The following ZNF483 variants were observed in gnomAD, a reference collection of about 807,000 sequenced individuals.
The protein encoded by ZNF483 is zinc finger protein HIT-10.
A neutral mutation model predicts 28.6 loss-of-function variants in ZNF483; 9 were observed. The observed-to-expected ratio is 0.32, with a 90% CI of 0.19 to 0.55. The LOEUF (loss-of-function observed/expected upper bound fraction) is 0.55. Among genes scored for constraint, ZNF483 ranks in the 20% least tolerant of loss-of-function variants. The pLI, the probability that ZNF483 is intolerant of heterozygous loss-of-function variation, is 0.93. For synonymous variants in ZNF483, 322 were observed against 306.2 expected (o/e 1.05, Z -0.54); for missense variants, 675 against 871.7 (o/e 0.77, Z 2.84).
intron 5 of ZNF483, among the ~76,000 whole-genome samples, chr9:111,537,164 C>T (rs758230320): frequency 5.3e-5 from 8 of 151,558 alleles, no homozygotes; most frequent in African/African-American, 1.2e-4. Flanking sequence ...TCCATTTTTA[C>T]GGTGATAGGC....
In ZNF483 at chr9:111,542,309, G is replaced by A; in HGVS notation, c.1374G>A (p.Arg458=). Residue 458 remains arginine (R), a synonymous_variant, in exon 6 of 6, where the codon CGG becomes CGA. Transcript: ENST00000309235. The surrounding 1 kb of genome is among the most constrained non-coding windows in gnomAD (Gnocchi z 6.2). ...FGYSASLTKH[R]RIHTGEKPYM... ...ATAGCGCCTCACTCACCAAACATCG[G>A]AGAATTCACACTGGAGAAAAACCCT... The A allele has an allele frequency of 6.2e-7, 1 of 1,614,142 alleles. No homozygotes were observed. The highest frequency in any genetic ancestry group is 1.1e-5 in the South Asian group (1 of 91,078).
intron 5 of ZNF483, chr9:111,563,512 T>TC (rs1828406533): frequency 4.8e-6 from 1 of 206,550 alleles, no homozygotes; most frequent in Non-Finnish European, 9.6e-6. Context: ...TTTCTTTCTT[T>TC]TTTTTTTTTT....
intron 3 of ZNF483, among the ~76,000 whole-genome samples, chr9:111,533,135 G>T (rs1827392252): frequency 6.6e-6 from 1 of 152,120 alleles, no homozygotes; most frequent in Non-Finnish European, 1.5e-5. Flanking sequence ...GCAAATTTAG[G>T]GTTCAGGAAT....
Position 111,543,832 on chromosome 9 carries a change from C to T in ZNF483, c.*662C>T. The T allele has an allele frequency of 1.1e-6, 1 of 920,510 alleles. No homozygotes were observed. Among genetic ancestry groups the T allele is most frequent in the Non-Finnish European group, 1.3e-6 (1 of 774,092 alleles). The allele number at this position is 920,510 out of a possible 1,614,324, so 57.0% of individuals were successfully genotyped here. A position where few individuals can be genotyped will look rare whatever the true frequency, so the allele number is the denominator to read the frequency against. On this transcript the variant is annotated 3_prime_UTR_variant, in exon 6 of 6. Transcript: ENST00000309235. ...ATGGAGTCTCACTATGTTGCCCAGA[C>T]TGGTCTTGAACTCCTGGGCTCAAGT...
intron 5 of ZNF483, among the ~76,000 whole-genome samples, chr9:111,566,083 A>C (rs566411482): frequency 2.6e-5 from 4 of 152,112 alleles, no homozygotes; most frequent in Admixed American, 1.3e-4. Flanking sequence ...GGCACCTGTA[A>C]TCCCAGCTAC....
intron 5 of ZNF483, chr9:111,570,122 G>A (rs761746065): frequency 6.2e-7 from 1 of 1,614,114 alleles, no homozygotes; most frequent in South Asian, 1.1e-5. Flanking sequence ...GTCCTTCAGA[G>A]CTTTTTGGCG....
exon 6 of ZNF483, chr9:111,576,553 T>C (rs1829063390): frequency 9.0e-7 from 1 of 1,114,688 alleles, no homozygotes; most frequent in Admixed American, 2.6e-5. Flanking sequence ...TATTAGCTAG[T>C]GGAGTGGCCA....
intron 5 of ZNF483, among the ~76,000 whole-genome samples, chr9:111,562,369 A>G (rs945687229): frequency 1.3e-5 from 2 of 148,996 alleles, no homozygotes. Flanking sequence ...TCCGCCTCCC[A>G]GGTTCAAGTG....
intron 3 of ZNF483, among the ~76,000 whole-genome samples, chr9:111,532,484 G>T (rs561883677): frequency 6.6e-6 from 1 of 152,130 alleles, no homozygotes; most frequent in Non-Finnish European, 1.5e-5. Flanking sequence ...TGATAGGGCC[G>T]TAAGACAAGG....
At chr9:111,530,719 GA>G (rs1334152748) in intron 2 of ZNF483, among the ~76,000 whole-genome samples, 155 bp from the exon 3 acceptor site, 4 of 138,578 alleles carry the variant, frequency 2.9e-5, no homozygotes, top group South Asian at 2.3e-4. Context: ...TATAGTAGGA[GA>G]AACTGACTTA....
chr9:111,531,794 T>C (rs1453534457), intron 3 of ZNF483, among the ~76,000 whole-genome samples: 20 of 152,010 alleles, frequency 1.3e-4, no homozygotes, highest in Admixed American at 1.2e-3. Flanking sequence ...CCATCCTCCC[T>C]CCTCAGCCTC....
Position 111,561,104 on chromosome 9 carries a change from T to TAGAG in ZNF483, c.722-15260_722-15259insGAGA, listed in dbSNP as rs1465441902. Among the ~76,000 whole-genome samples the TAGAG allele has an allele frequency of 1.2e-3, 31 of 26,370 alleles. 2 individuals carry two copies. The highest frequency in any genetic ancestry group is 1.6e-3 in the African/African-American group (5 of 3,146). The allele number at this position is 26,370 out of a possible 152,430, so 17.3% of individuals were successfully genotyped here. A position where few individuals can be genotyped will look rare whatever the true frequency, so the allele number is the denominator to read the frequency against. ...TCTAAAATATATATATATATATATA[T>TAGAG]ATATATAGAGAGAGAGAGAGAGAGA... On this transcript the variant is annotated intron_variant, in intron 5 of 5. Coordinates refer to the ZNF483 transcript ENST00000358151.
intron 2 of ZNF483, 106 bp from the exon 3 acceptor site, chr9:111,530,769 A>ATATATG (rs1485214379): frequency 1.8e-4 from 6 of 33,392 alleles, no homozygotes; most frequent in Non-Finnish European, 3.1e-4. Flanking sequence ...ATATATATAT[A>ATATATG]TATATATATA....
chr9:111,536,166 C>T (rs1827495730), intron 5 of ZNF483, among the ~76,000 whole-genome samples: 1 of 151,274 alleles, frequency 6.6e-6, no homozygotes, highest in African/African-American at 2.4e-5. Flanking sequence ...ACTGGGATTA[C>T]AGGCATGAGC....
rs1244892844 is a variant in ZNF483, at chr9:111,542,263, A to G, written c.1328A>G (p.Lys443Arg). The change falls in exon 6 of 6, where the codon AAG becomes AGG. Residue 443 changes from lysine to arginine, a missense_variant. Physicochemically the swap from Lys to Arg is conservative, Grantham distance 26. Transcript: ENST00000309235. The surrounding 1 kb of genome is among the most constrained non-coding windows in gnomAD (Gnocchi z 6.2). ...ESGEKTHKCS[K>R]CGKAFGYSAS... The stretch of plus-strand genomic sequence containing the variant: ...GGAGAAAAAACTCATAAATGTAGTA[A>G]GTGTGGAAAAGCCTTTGGCTATAGC... 1.2e-6 allele frequency: 2 copies of G among 1,614,208 alleles called. No individual in the cohort carries two copies. The highest frequency in any genetic ancestry group is 1.7e-5 in the Admixed American group (1 of 60,034).
intron 5 of ZNF483, 129 bp from the exon 6 acceptor site, chr9:111,541,528 A>G: frequency 4.5e-6 from 3 of 664,662 alleles, no homozygotes; most frequent in Non-Finnish European, 7.0e-6. Flanking sequence ...TTTCTATTTT[A>G]CAAAGCTCTT....
rs1257439644 is a variant in ZNF483, at chr9:111,555,202, A to G, written c.*12032A>G. 1.3e-5 allele frequency among the ~76,000 whole-genome samples: 2 copies of G among 152,116 alleles called. No homozygotes were observed. The highest frequency in any genetic ancestry group is 6.6e-5 in the Admixed American group (1 of 15,262). On this transcript the variant is annotated 3_prime_UTR_variant, in exon 6 of 6. Transcript: ENST00000309235. Reference sequence around the variant, plus strand: ...CCCAGGGTACCCAAGTTAATAGCCTATCAAGTTCTATTTGGCAAAAGATAA... The same window carrying G: ...CCCAGGGTACCCAAGTTAATAGCCTGTCAAGTTCTATTTGGCAAAAGATAA...
chr9:111,560,471 C>A (rs10980944), intron 5 of ZNF483, among the ~76,000 whole-genome samples: 1 of 100,542 alleles, frequency 9.9e-6, no homozygotes. Context: ...GAGACTCCAT[C>A]TCAAAAAAAA....
intron 5 of ZNF483, 65 bp downstream of exon 5, chr9:111,534,418 C>T (rs190770662): frequency 8.7e-6 from 12 of 1,371,704 alleles, no homozygotes; most frequent in Non-Finnish European, 1.2e-5. Context: ...TGAGAAGACT[C>T]TTTGAAATGT....
Sources: gnomAD v4.1 joint callset for allele counts (sites outside exome capture counted in the v4.1 genomes callset) on GRCh38, gnomAD v4.1.1 for gene constraint, Gnocchi (gnomAD v3.1) non-coding constraint, MANE v1.5 for transcripts, NCBI Gene and HGNC (gene_info 2026-07-23, HGNC 2026-07-21) for gene names.